The following KCNH6 variants were observed in gnomAD, a reference collection of about 807,000 sequenced individuals.
The protein encoded by KCNH6 is potassium voltage-gated channel subfamily H member 6.
In KCNH6, 81 loss-of-function variants were observed where a neutral mutation model predicts 83.4. That is an observed-to-expected ratio of 0.97 (90% CI 0.81 to 1.17). KCNH6 has a LOEUF of 1.17. KCNH6 is among the 50% of genes most tolerant of loss of function. The probability of loss-of-function intolerance (pLI) is 0.00; values close to 1 mark genes in which losing one functional copy is unlikely to be tolerated. For missense variants in KCNH6, 1,203 were observed against 1,290.5 expected, an observed-to-expected ratio of 0.93 and a Z score of 1.04; for synonymous variants, 503 against 545.6, an observed-to-expected ratio of 0.92 and a Z score of 1.09.
chr17:63,540,312 A>AATCCCAGCTACTTGGGAGGC (rs2032783496), intron 8 of KCNH6, among the ~76,000 whole-genome samples: 1 of 152,124 alleles, frequency 6.6e-6, no homozygotes, highest in South Asian at 2.1e-4. Flanking sequence ...GGGTGCCTGT[A>AATCCCAGCTACTTGGGAGGC]ATCCCAGCTA....
At position 63,523,372 on chromosome 17, in the gene KCNH6, C is replaced by A. The variant is rs1185587985; in HGVS notation, c.-42C>A. 4.5e-6 allele frequency: 7 copies of A among 1,545,326 alleles called. No homozygotes were observed. Among genetic ancestry groups the A allele is most frequent in the Middle Eastern group, 1.8e-4 (1 of 5,542 alleles). On this transcript the variant is annotated 5_prime_UTR_variant, in exon 1 of 13. Coordinates refer to ENST00000314672, the MANE Select transcript of KCNH6 (RefSeq NM_001278919.2). The surrounding 1 kb of genome is among the most constrained non-coding windows in gnomAD (Gnocchi z 4.2). The stretch of plus-strand genomic sequence containing the variant: ...CGAGGACAGACGGAGACGCCGGGAG[C>A]CAGTGGCGCCTGTGGCTCCGGGCAG...
chr17:63,536,952 C>CAAGAAA (rs2032538894), intron 6 of KCNH6, among the ~76,000 whole-genome samples: 1 of 56,510 alleles, frequency 1.8e-5, no homozygotes, highest in South Asian at 8.4e-4. Context: ...GACTCCGTCT[C>CAAGAAA]AAAAAAAAAA....
In KCNH6 at chr17:63,545,980, G is replaced by A. The variant is rs372548332; in HGVS notation, c.*78G>A. 8.0e-6 allele frequency: 11 copies of A among 1,378,684 alleles called. No homozygotes were observed. The highest frequency in any genetic ancestry group is 3.9e-5 in the South Asian group (3 of 77,682). 85.4% of individuals were successfully genotyped at this position (1,378,684 alleles called of 1,614,324 possible). On this transcript the variant is annotated 3_prime_UTR_variant, in exon 13 of 13. Coordinates refer to ENST00000314672, the MANE Select transcript of KCNH6 (RefSeq NM_001278919.2). ...AAGGATCTTGGGGAGGTGGCCGGGT[G>A]CAGTGGCTCGCCTGTAATCCCAGCA...
At chr17:63,540,893 C>A (rs997431934) in intron 8 of KCNH6, among the ~76,000 whole-genome samples, 1 of 152,200 alleles carries the variant, frequency 6.6e-6, no homozygotes, top group East Asian at 1.9e-4. Flanking sequence ...TTTCTTCTGT[C>A]CTGACTGCCT....
intron 8 of KCNH6, among the ~76,000 whole-genome samples, chr17:63,541,202 C>T (rs1482066781): frequency 6.6e-6 from 1 of 152,026 alleles, no homozygotes; most frequent in Admixed American, 6.6e-5. Flanking sequence ...GTACCCTTGC[C>T]ACATACCACA....
Position 63,534,347 on chromosome 17 carries a change from G to A in KCNH6, c.1101+36G>A, listed in dbSNP as rs781220203. On this transcript the variant is annotated intron_variant, in intron 5 of 12. Coordinates refer to ENST00000314672, the MANE Select transcript of KCNH6 (RefSeq NM_001278919.2). This position sits in a 1 kb window ranked among gnomAD's most constrained non-coding sequence, Gnocchi z 5.0. ...CCCCTCCAGGCCAGCAGCCATGGCT[G>A]TCCTCTGCACGCTGGCCTCAAGCCC... 8.9e-6 allele frequency: 14 copies of A among 1,574,906 alleles called. No homozygotes were observed. Among genetic ancestry groups the A allele is most frequent in the African/African-American group, 2.7e-5 (2 of 74,482 alleles).
chr17:63,531,887 C>T (rs575491389), intron 4 of KCNH6, among the ~76,000 whole-genome samples: 2 of 152,346 alleles, frequency 1.3e-5, no homozygotes, highest in Middle Eastern at 3.4e-3. Context: ...TCCCCTGCTC[C>T]ATGTGGGTCC....
At chr17:63,531,164 C>G (rs1455322470) in intron 4 of KCNH6, among the ~76,000 whole-genome samples, 1 of 152,228 alleles carries the variant, frequency 6.6e-6, no homozygotes, top group Non-Finnish European at 1.5e-5. Flanking sequence ...GTTCTCTGCT[C>G]CAGCTCACCC....
At chr17:63,540,248 A>G (rs1410763494) in intron 8 of KCNH6, among the ~76,000 whole-genome samples, 1 of 152,176 alleles carries the variant, frequency 6.6e-6, no homozygotes, top group Non-Finnish European at 1.5e-5. Context: ...CCTGGCCAAG[A>G]TGATGAAACC....
chr17:63,525,725 T>G (rs1597970523), intron 2 of KCNH6, among the ~76,000 whole-genome samples: 1 of 152,160 alleles, frequency 6.6e-6, no homozygotes, highest in East Asian at 1.9e-4. Context: ...CAGTGGGAAG[T>G]GCAACAGGCA....
In KCNH6 at chr17:63,535,617, C is replaced by T. The variant is rs1428245783; in HGVS notation, c.1102-52C>T. ...GAGTGAACAAAAGCAGGCCTGACTGCACCCTTCCAAGGGCTGACCCCAGCC... is the reference window on the plus strand; with the variant it reads ...GAGTGAACAAAAGCAGGCCTGACTGTACCCTTCCAAGGGCTGACCCCAGCC... On this transcript the variant is annotated intron_variant, in intron 5 of 12. Coordinates refer to ENST00000314672, the MANE Select transcript of KCNH6 (RefSeq NM_001278919.2). This position sits in a 1 kb window ranked among gnomAD's most constrained non-coding sequence, Gnocchi z 4.9. 7.2e-6 allele frequency: 11 copies of T among 1,524,968 alleles called. No individual in the cohort carries two copies. Among genetic ancestry groups the T allele is most frequent in the East Asian group, 2.3e-5 (1 of 44,096 alleles). 94.5% of individuals were successfully genotyped at this position (1,524,968 alleles called of 1,614,324 possible). A position where few individuals can be genotyped will look rare whatever the true frequency, so the allele number is the denominator to read the frequency against.
At position 63,524,193 on chromosome 17, in the gene KCNH6, G is replaced by A. The variant is rs758141151; in HGVS notation, c.131G>A (p.Cys44Tyr). 3 of 1,614,160 alleles carry A rather than the reference G, an allele frequency of 1.9e-6. No individual in the cohort carries two copies. Among genetic ancestry groups the A allele is most frequent in the East Asian group, 2.2e-5 (1 of 44,888 alleles). ...ATGGAGAACTGCGCCATCATTTACT[G>A]CAACGACGGCTTCTGCGAACTCTTC... Reference protein sequence around the residue: ...AQMENCAIIYCNDGFCELFGY... With the variant: ...AQMENCAIIYYNDGFCELFGY... Residue 44 changes from cysteine to tyrosine, a missense_variant, in exon 2 of 13, where the codon TGC (cysteine) becomes TAC (tyrosine). Physicochemically the swap from Cys to Tyr is radical, Grantham distance 194. Coordinates refer to ENST00000314672, the MANE Select transcript of KCNH6 (RefSeq NM_001278919.2).
rs760521267 is a variant in KCNH6 at position 63,530,102 on chromosome 17, C to A, written c.319C>A (p.Arg107Ser). The change falls in exon 3 of 13, where the codon CGC becomes AGC. Residue 107 changes from arginine (R) to serine (S), a missense_variant. By Grantham distance (110) the Arg-to-Ser change is moderately radical. Coordinates refer to ENST00000314672, the MANE Select transcript of KCNH6 (RefSeq NM_001278919.2). ...LYYRKDASSF[R>S]CLVDVVPVKN... ...AATGGTGTTCGCAGCCTCCAGCTTC[C>A]GCTGCCTGGTAGATGTGGTGCCCGT... The A allele has an allele frequency of 6.2e-7, 1 of 1,613,268 alleles. No homozygotes were observed.
chr17:63,545,360 T>C, intron 12 of KCNH6, 96 bp downstream of exon 12: 1 of 1,314,950 alleles, frequency 7.6e-7, no homozygotes, highest in Non-Finnish European at 1.1e-6. Context: ...GCCCAGAGCC[T>C]CTGTGGCCCC....
chr17:63,539,866 C>T (rs1194716189), intron 8 of KCNH6, among the ~76,000 whole-genome samples: 1 of 152,202 alleles, frequency 6.6e-6, no homozygotes, highest in East Asian at 1.9e-4. Flanking sequence ...ACATCTGCCT[C>T]TTCTGCTCAA....
At chr17:63,532,028 A>G (rs1003168719) in intron 4 of KCNH6, among the ~76,000 whole-genome samples, 2 of 152,186 alleles carry the variant, frequency 1.3e-5, no homozygotes, top group Non-Finnish European at 2.9e-5. Flanking sequence ...GAGCCTGGGC[A>G]TCCTGAGGGC....
intron 4 of KCNH6, among the ~76,000 whole-genome samples, chr17:63,530,780 A>G (rs2032053898): frequency 6.6e-6 from 1 of 152,208 alleles, no homozygotes; most frequent in Non-Finnish European, 1.5e-5. Context: ...GGCTGGGGTC[A>G]GTAGGGCCTG....
intron 9 of KCNH6, 130 bp from the exon 10 acceptor site, chr17:63,543,446 G>A (rs1334169219): frequency 1.8e-5 from 12 of 665,348 alleles, no homozygotes; most frequent in Admixed American, 1.7e-4. Flanking sequence ...CCAGGGCATC[G>A]CTGCTGTGCC....
chr17:63,544,441 TG>T, intron 11 of KCNH6, 30 bp downstream of exon 11: 1 of 1,485,240 alleles, frequency 6.7e-7, no homozygotes, highest in Non-Finnish European at 8.9e-7. Flanking sequence ...GGCTGGGGGC[TG>T]GTCATGGGTA....
Sources: allele counts gnomAD v4.1 joint callset (sites outside exome capture counted in the v4.1 genomes callset), GRCh38; gene constraint gnomAD v4.1.1; non-coding constraint Gnocchi (gnomAD v3.1); transcripts MANE v1.5; gene names NCBI Gene and HGNC (gene_info 2026-07-23, HGNC 2026-07-21).